CSMD2: variants seen among roughly 807,000 people sequenced by gnomAD.
CSMD2 encodes CUB and Sushi multiple domains 2.
In CSMD2, 130 loss-of-function variants were observed where a neutral mutation model predicts 398.5. The ratio of observed to expected loss-of-function variants is 0.33; its 90% CI spans 0.28 to 0.38. CSMD2 has a LOEUF of 0.38. Ranked by LOEUF, CSMD2 falls within the 10% of genes least tolerant of loss-of-function variation. CSMD2 has a pLI of 1.00. For synonymous variants in CSMD2, 1,828 were observed against 1,908.5 expected (o/e 0.96, Z 1.10); for missense variants, 3,829 against 4,764.9 (o/e 0.80, Z 5.78).
Position 33,633,442 on chromosome 1 carries a change from G to C in CSMD2, c.5180C>G (p.Ser1727Cys), listed in dbSNP as rs1214119778. ...GHSQHSRLLS[S>C]LSGSHTGESL... is the part of the protein sequence containing the mutation. ...GATACCTGTATGGGAGCCCGAGAGG[G>C]AGCTGAGGAGCCGCGAGTGCTGGCT... The change falls in exon 32 of 71, where the codon TCC (serine) becomes TGC (cysteine). Residue 1727 changes from serine to cysteine, a missense_variant. Coordinates refer to ENST00000373381, the MANE Select transcript of CSMD2 (RefSeq NM_001281956.2). The surrounding 1 kb of genome is among the most constrained non-coding windows in gnomAD (Gnocchi z 5.0). 1 of 1,553,012 alleles carries C rather than the reference G, an allele frequency of 6.4e-7. No individual in the cohort carries two copies. The highest frequency in any genetic ancestry group is 1.8e-4 in the Middle Eastern group (1 of 5,596).
intron 10 of CSMD2, among the ~76,000 whole-genome samples, chr1:33,809,645 A>G (rs1378178524): frequency 6.6e-6 from 1 of 152,042 alleles, no homozygotes; most frequent in Admixed American, 6.6e-5. Context: ...CATCATAATA[A>G]TGATTTGATG....
At chr1:33,901,955 A>G (rs1009273249) in intron 5 of CSMD2, among the ~76,000 whole-genome samples, 4 of 152,202 alleles carry the variant, frequency 2.6e-5, no homozygotes, top group South Asian at 2.1e-4. Flanking sequence ...ATCACTCTGG[A>G]AAGTATTCTA....
intron 4 of CSMD2, among the ~76,000 whole-genome samples, chr1:33,933,740 T>A (rs1485520024): frequency 1.3e-5 from 2 of 152,148 alleles, no homozygotes; most frequent in East Asian, 3.9e-4. Context: ...ATTCCTGAAG[T>A]CCATCATGGA....
chr1:33,991,031 T>C (rs1646536923), intron 3 of CSMD2, among the ~76,000 whole-genome samples: 1 of 151,954 alleles, frequency 6.6e-6, no homozygotes, highest in African/African-American at 2.4e-5. Flanking sequence ...TTTTTCCTCT[T>C]TTTTAGAGAC....
chr1:34,077,446 A>G (rs3919877), intron 2 of CSMD2, among the ~76,000 whole-genome samples: 75,482 of 101,662 alleles, frequency 0.74, 28,204 homozygotes, highest in East Asian at 0.99. Context: ...TAAAGAGCGG[A>G]ACTCCGTCTC....
intron 64 of CSMD2, among the ~76,000 whole-genome samples, chr1:33,530,376 GTGAAACCCACAA>G (rs2148555440): frequency 6.6e-6 from 1 of 152,258 alleles, no homozygotes; most frequent in Non-Finnish European, 1.5e-5. Flanking sequence ...GGAAATGCAA[GTGAAACCCACAA>G]TGAGATATCA....
At chr1:33,714,832 A>G in intron 20 of CSMD2, 57 bp from the exon 21 acceptor site, 1 of 1,572,994 alleles carries the variant, frequency 6.4e-7, no homozygotes, top group Non-Finnish European at 8.7e-7. Context: ...CACAAAGCAA[A>G]AAGATGGGAA....
chr1:33,550,438 G>A (rs1425109480), intron 55 of CSMD2, 88 bp from the exon 56 acceptor site: 1 of 1,398,644 alleles, frequency 7.1e-7, no homozygotes, highest in Non-Finnish European at 9.8e-7. Flanking sequence ...TAAGCAAGAG[G>A]CTGGGAAGAA....
At chr1:33,929,918 G>A (rs1644258302) in intron 4 of CSMD2, among the ~76,000 whole-genome samples, 1 of 152,140 alleles carries the variant, frequency 6.6e-6, no homozygotes, top group South Asian at 2.1e-4. Context: ...CCTCCCCACA[G>A]AGGCCTCCCC....
intron 4 of CSMD2, among the ~76,000 whole-genome samples, chr1:33,935,113 G>C (rs1644434924): frequency 6.6e-6 from 1 of 151,870 alleles, no homozygotes; most frequent in Non-Finnish European, 1.5e-5. Flanking sequence ...GCTGGGAGTA[G>C]AGTGACAAAT....
At chr1:33,545,244 G>T (rs1656766740) in intron 57 of CSMD2, among the ~76,000 whole-genome samples, 1 of 152,078 alleles carries the variant, frequency 6.6e-6, no homozygotes, top group Non-Finnish European at 1.5e-5. Flanking sequence ...AGAGAGATTT[G>T]GGGACCAACT....
intron 55 of CSMD2, among the ~76,000 whole-genome samples, chr1:33,552,597 A>C (rs1317309286): frequency 1.3e-5 from 2 of 152,252 alleles, no homozygotes; most frequent in Admixed American, 6.5e-5. Context: ...ATGAAATAGT[A>C]TTTGGCCAAA....
chr1:33,714,189 C>G (rs547239474), intron 21 of CSMD2, among the ~76,000 whole-genome samples: 1 of 152,310 alleles, frequency 6.6e-6, no homozygotes, highest in Admixed American at 6.5e-5. Context: ...TCCCCCTGGG[C>G]AAAGGTCATA....
At chr1:33,558,064 CT>C in intron 54 of CSMD2, 142 bp from the exon 55 acceptor site, 1 of 684,092 alleles carries the variant, frequency 1.5e-6, no homozygotes, top group Non-Finnish European at 2.5e-6. Flanking sequence ...CCTTGGTTAC[CT>C]GGTCAGAAGA....
At chr1:33,840,492 G>A (rs1227396243) in intron 6 of CSMD2, among the ~76,000 whole-genome samples, 1 of 152,182 alleles carries the variant, frequency 6.6e-6, no homozygotes, top group Admixed American at 6.5e-5. Context: ...GCAAAATCAT[G>A]TCCTGTTCTT....
At position 33,516,056 on chromosome 1, in the gene CSMD2, C is replaced by T. The variant is rs1232764556; in HGVS notation, c.*568G>A. On this transcript the variant is annotated 3_prime_UTR_variant, in exon 71 of 71. Transcript: ENST00000373381. Reference sequence around the variant, plus strand: ...CAGACAGCTGGTTTCTGCACGCTGACCGGGTTTCTGCACTCTGACCGCATG... The same window carrying T: ...CAGACAGCTGGTTTCTGCACGCTGATCGGGTTTCTGCACTCTGACCGCATG... 1 of 151,944 alleles carries T rather than the reference C, an allele frequency of 6.6e-6. No individual in the cohort carries two copies. Among genetic ancestry groups the T allele is most frequent in the Non-Finnish European group, 1.5e-5 (1 of 68,052 alleles). 9.4% of individuals were successfully genotyped at this position (151,944 alleles called of 1,614,324 possible). A position where few individuals can be genotyped will look rare whatever the true frequency, so the allele number is the denominator to read the frequency against.
intron 27 of CSMD2, among the ~76,000 whole-genome samples, 182 bp downstream of exon 27, chr1:33,657,764 G>A (rs1054733034): frequency 3.3e-5 from 5 of 152,234 alleles, no homozygotes; most frequent in South Asian, 2.1e-4. Flanking sequence ...GAGTGTGAAC[G>A]TGAGTGAGTG....
intron 1 of CSMD2, among the ~76,000 whole-genome samples, chr1:34,140,388 G>A (rs1639174194): frequency 6.6e-6 from 1 of 151,286 alleles, no homozygotes; most frequent in Non-Finnish European, 1.5e-5. Context: ...TGAAATTCTG[G>A]CTCTCCGAGC....
intron 15 of CSMD2, among the ~76,000 whole-genome samples, chr1:33,738,694 C>T (rs531576601): frequency 2.0e-5 from 3 of 152,112 alleles, no homozygotes; most frequent in South Asian, 2.1e-4. Flanking sequence ...GCACAAAGGC[C>T]GAGACTGGGA....
Sources: gnomAD v4.1 joint callset for allele counts (sites outside exome capture counted in the v4.1 genomes callset) on GRCh38, gnomAD v4.1.1 for gene constraint, Gnocchi (gnomAD v3.1) non-coding constraint, MANE v1.5 for transcripts, NCBI Gene and HGNC (gene_info 2026-07-23, HGNC 2026-07-21) for gene names.